Variants in MACC1 observed in about 807,000 individuals in gnomAD.
The protein encoded by MACC1 is metastasis-associated in colon cancer protein 1.
Under a neutral mutation model 70.7 loss-of-function variants are expected in MACC1, and 79 were observed. That is an observed-to-expected ratio of 1.12 (90% CI 0.93 to 1.35). The LOEUF is 1.35. Among genes scored for constraint, MACC1 ranks in the 40% most tolerant of loss-of-function variants. The pLI is 0.00. For synonymous variants in MACC1, 361 were observed against 347.2 expected (o/e 1.04, Z -0.44); for missense variants, 1,106 against 978.1 (o/e 1.13, Z -1.74).
chr7:20,152,422 T>A (rs191474168), intron 6 of MACC1, among the ~76,000 whole-genome samples: 1 of 152,284 alleles, frequency 6.6e-6, no homozygotes, highest in African/African-American at 2.4e-5. Context: ...TATACAGCTA[T>A]TTTTTAGGAG....
intron 1 of MACC1, among the ~76,000 whole-genome samples, chr7:20,200,474 T>G (rs912642424): frequency 6.6e-6 from 1 of 152,154 alleles, no homozygotes; most frequent in Non-Finnish European, 1.5e-5. Context: ...TAACGACAAA[T>G]CCTGGAAGAG....
chr7:20,213,743 C>T (rs79905941), intron 1 of MACC1, among the ~76,000 whole-genome samples: 13 of 151,916 alleles, frequency 8.6e-5, no homozygotes, highest in African/African-American at 1.2e-4. Flanking sequence ...CAACACACAC[C>T]GAGGCCAATT....
At chr7:20,178,080 C>G (rs1782424250) in intron 1 of MACC1, among the ~76,000 whole-genome samples, 1 of 151,916 alleles carries the variant, frequency 6.6e-6, no homozygotes. Flanking sequence ...TTTTTAAACT[C>G]TACACATTTT....
At chr7:20,215,449 C>G (rs1322161630) in intron 1 of MACC1, among the ~76,000 whole-genome samples, 1 of 152,156 alleles carries the variant, frequency 6.6e-6, no homozygotes, top group Non-Finnish European at 1.5e-5. Context: ...AAAAAGCCAC[C>G]CTTTTAGAAG....
At chr7:20,157,583 A>C (rs1435419058) in intron 5 of MACC1, among the ~76,000 whole-genome samples, 2 of 151,446 alleles carry the variant, frequency 1.3e-5, no homozygotes, top group African/African-American at 2.4e-5. Flanking sequence ...CAGGAGTTCA[A>C]GAGCATCTTG....
chr7:20,202,363 CTT>C (rs915131578), intron 1 of MACC1, among the ~76,000 whole-genome samples: 6 of 152,268 alleles, frequency 3.9e-5, no homozygotes, highest in African/African-American at 1.4e-4. Context: ...TAGTTTCCTT[CTT>C]TTAGAAATTT....
chr7:20,185,641 T>G (rs762808292), intron 1 of MACC1, among the ~76,000 whole-genome samples: 3 of 152,066 alleles, frequency 2.0e-5, no homozygotes, highest in Non-Finnish European at 2.9e-5. Context: ...AGATAAGATA[T>G]GAGAAAATAA....
At chr7:20,199,234 C>T (rs1782799228) in intron 1 of MACC1, among the ~76,000 whole-genome samples, 1 of 152,146 alleles carries the variant, frequency 6.6e-6, no homozygotes, top group African/African-American at 2.4e-5. Context: ...AAGGCTTGCA[C>T]AAGAAATCTG....
chr7:20,187,709 G>A (rs1039689447), intron 1 of MACC1, among the ~76,000 whole-genome samples: 1 of 152,124 alleles, frequency 6.6e-6, no homozygotes, highest in Admixed American at 6.5e-5. Context: ...TTCAATTTGG[G>A]GTTGTTAACC....
At position 20,138,298 on chromosome 7, in the gene MACC1, T is replaced by G. The variant is rs1182302117; in HGVS notation, c.*2648A>C. On this transcript the variant is annotated 3_prime_UTR_variant, in exon 7 of 7. Transcript: ENST00000400331. ...CTTGTTTTTCATTTTTTTAAACTCTTATTATTCTCAATCACAATCATAATA... is the reference window on the plus strand; with the variant it reads ...CTTGTTTTTCATTTTTTTAAACTCTGATTATTCTCAATCACAATCATAATA... 6.6e-6 allele frequency: 1 copy of G among 152,128 alleles called. No homozygotes were observed. The highest frequency in any genetic ancestry group is 2.4e-5 in the African/African-American group (1 of 41,428). The allele number at this position is 152,128 out of a possible 1,614,324, so 9.4% of individuals were successfully genotyped here.
intron 1 of MACC1, among the ~76,000 whole-genome samples, chr7:20,215,764 T>G (rs1783060466): frequency 6.6e-6 from 1 of 152,208 alleles, no homozygotes; most frequent in South Asian, 2.1e-4. Context: ...CCAAAATGTC[T>G]TTTGTCCTCC....
At chr7:20,150,776 G>A (rs1583382920) in intron 6 of MACC1, among the ~76,000 whole-genome samples, 2 of 152,212 alleles carry the variant, frequency 1.3e-5, no homozygotes, top group African/African-American at 4.8e-5. Flanking sequence ...GGCCAGAGTG[G>A]TGGCTCACAC....
At chr7:20,182,928 G>A (rs923388063) in intron 1 of MACC1, among the ~76,000 whole-genome samples, 20 of 152,274 alleles carry the variant, frequency 1.3e-4, no homozygotes, top group Admixed American at 7.2e-4. Context: ...TTCTTATTCT[G>A]TAAAGATCTC....
chr7:20,158,069 G>A, intron 5 of MACC1, 135 bp downstream of exon 5: 1 of 1,026,804 alleles, frequency 9.7e-7, no homozygotes, highest in Non-Finnish European at 1.3e-6. Context: ...AACTATATTT[G>A]CTATAAAGTG....
At chr7:20,144,160 G>T (rs1007338979) in intron 6 of MACC1, among the ~76,000 whole-genome samples, 5 of 152,012 alleles carry the variant, frequency 3.3e-5, no homozygotes, top group Non-Finnish European at 4.4e-5. Context: ...TAACTATTTT[G>T]CTTATCAAAT....
At chr7:20,185,949 T>G (rs1782581295) in intron 1 of MACC1, among the ~76,000 whole-genome samples, 1 of 152,212 alleles carries the variant, frequency 6.6e-6, no homozygotes, top group Non-Finnish European at 1.5e-5. Flanking sequence ...CCCAAGATTC[T>G]TGCCCCAGGG....
chr7:20,183,283 G>A (rs1279134428), intron 1 of MACC1, among the ~76,000 whole-genome samples: 1 of 152,230 alleles, frequency 6.6e-6, no homozygotes, highest in Non-Finnish European at 1.5e-5. Context: ...TCTAAGAGCT[G>A]AGAGTGGCCC....
At chr7:20,169,203 C>T (rs531724041) in intron 2 of MACC1, among the ~76,000 whole-genome samples, 4 of 152,314 alleles carry the variant, frequency 2.6e-5, no homozygotes, top group South Asian at 2.1e-4. Flanking sequence ...AGTGATATGT[C>T]TCTCAGGTTT....
intron 1 of MACC1, among the ~76,000 whole-genome samples, chr7:20,196,148 G>A (rs1462926553): frequency 6.6e-6 from 1 of 151,940 alleles, no homozygotes; most frequent in Non-Finnish European, 1.5e-5. Flanking sequence ...CCAAGGCTTA[G>A]CTTTTATTGG....
Sources: allele counts gnomAD v4.1 joint callset (sites outside exome capture counted in the v4.1 genomes callset), GRCh38; gene constraint gnomAD v4.1.1; transcripts MANE v1.5; gene names NCBI Gene and HGNC (gene_info 2026-07-23, HGNC 2026-07-21).